The following SLC39A14 variants were observed in gnomAD, a reference collection of about 807,000 sequenced individuals.
The protein encoded by SLC39A14 is metal cation symporter ZIP14.
A neutral mutation model predicts 45.5 loss-of-function variants in SLC39A14; 19 were observed. That is an observed-to-expected ratio of 0.42 (90% CI 0.29 to 0.61). The LOEUF (loss-of-function observed/expected upper bound fraction) is 0.61, where lower values mean the gene tolerates loss of function less well. SLC39A14 is among the 20% of genes least tolerant of loss of function. The probability of loss-of-function intolerance (pLI) is 0.22; values close to 1 mark genes in which losing one functional copy is unlikely to be tolerated. For synonymous variants in SLC39A14, 264 were observed against 251.3 expected (o/e 1.05, Z -0.48); for missense variants, 447 against 616.5 (o/e 0.73, Z 2.91).
intron 1 of SLC39A14, chr8:22,398,677 C>T: frequency 1.0e-6 from 1 of 980,846 alleles, no homozygotes; most frequent in Non-Finnish European, 1.2e-6. Context: ...GTTTGCTCCT[C>T]TCTGAGAGGG....
At position 22,422,557 on chromosome 8, in the gene SLC39A14, A is replaced by G; in HGVS notation, c.*2859A>G. On this transcript the variant is annotated 3_prime_UTR_variant, in exon 9 of 9. Coordinates refer to ENST00000381237, the MANE Select transcript of SLC39A14 (RefSeq NM_001128431.4). Reference sequence around the variant, plus strand: ...TTTCCCTTTACAGTTCTGCAGTTCCATCACAGTATTTTTTTAAATAACTCA... The same window carrying G: ...TTTCCCTTTACAGTTCTGCAGTTCCGTCACAGTATTTTTTTAAATAACTCA... The G allele has an allele frequency of 1.0e-6, 1 of 985,440 alleles. No homozygotes were observed. The highest frequency in any genetic ancestry group is 1.2e-6 in the Non-Finnish European group (1 of 829,558). The allele number at this position is 985,440 out of a possible 1,614,324, so 61.0% of individuals were successfully genotyped here.
At chr8:22,369,292 G>A (rs1205455823) in intron 1 of SLC39A14, among the ~76,000 whole-genome samples, 2 of 152,210 alleles carry the variant, frequency 1.3e-5, no homozygotes, top group Non-Finnish European at 2.9e-5. Context: ...AGTGCTGAGC[G>A]GGAGATTCGA....
At chr8:22,428,233 G>C (rs1836416383) in intron 8 of SLC39A14, among the ~76,000 whole-genome samples, 1 of 151,996 alleles carries the variant, frequency 6.6e-6, no homozygotes, top group Non-Finnish European at 1.5e-5. Flanking sequence ...GGAGGTGAAG[G>C]TTGCAGTGAG....
intron 4 of SLC39A14, 89 bp from the exon 5 acceptor site, chr8:22,414,691 G>T: frequency 4.4e-6 from 6 of 1,359,848 alleles, no homozygotes; most frequent in Non-Finnish European, 5.0e-6. Context: ...TCCTTTCCTA[G>T]AGTCAAGGAA....
At chr8:22,397,494 C>T (rs1008690810) in intron 1 of SLC39A14, among the ~76,000 whole-genome samples, 1 of 152,062 alleles carries the variant, frequency 6.6e-6, no homozygotes, top group Non-Finnish European at 1.5e-5. Context: ...GGGAGAATGG[C>T]GTGAACCCGG....
chr8:22,404,607 C>T (rs963648537), intron 1 of SLC39A14, 89 bp from the exon 2 acceptor site: 2 of 1,271,238 alleles, frequency 1.6e-6, no homozygotes, highest in East Asian at 2.3e-5. Flanking sequence ...GGGATAGTCT[C>T]AACATGTTCA....
At chr8:22,418,323 A>G (rs1836012064) in intron 8 of SLC39A14, among the ~76,000 whole-genome samples, 2 of 152,138 alleles carry the variant, frequency 1.3e-5, no homozygotes, top group Non-Finnish European at 2.9e-5. Flanking sequence ...AAAGGAGGAA[A>G]AGTTTATGTT....
rs376452266 is a variant in SLC39A14 at position 22,408,290 on chromosome 8, C to A, written c.271-20C>A. On this transcript the variant is annotated intron_variant, in intron 2 of 8. Coordinates refer to ENST00000381237, the MANE Select transcript of SLC39A14 (RefSeq NM_001128431.4). ...TGACCTTTGGGGTCTAAGCGGCTTC[C>A]TGCCCTTCCTGTGTTTCAGTGCTTT... 34 of 1,607,544 alleles carry A rather than the reference C, an allele frequency of 2.1e-5. No homozygotes were observed. The African/African-American group carries it at 4.3e-4, about 20-fold the overall frequency.
chr8:22,386,758 C>T (rs759596619), intron 1 of SLC39A14, among the ~76,000 whole-genome samples: 1 of 152,242 alleles, frequency 6.6e-6, no homozygotes, highest in Non-Finnish European at 1.5e-5. Flanking sequence ...ACTCCATCCA[C>T]TTTGCAAGGA....
At position 22,420,416 on chromosome 8, in the gene SLC39A14, G is replaced by C. The variant is rs575522321; in HGVS notation, c.*718G>C. ...GGCTGTCCGAGTGAGCTAACGTGGCGGTGTGGCTGCCTGGACCTCCTCTTT... is the reference window on the plus strand; with the variant it reads ...GGCTGTCCGAGTGAGCTAACGTGGCCGTGTGGCTGCCTGGACCTCCTCTTT... On this transcript the variant is annotated 3_prime_UTR_variant, in exon 9 of 9. Coordinates refer to ENST00000381237, the MANE Select transcript of SLC39A14 (RefSeq NM_001128431.4). The C allele has an allele frequency of 3.0e-6, 3 of 985,404 alleles. No individual in the cohort carries two copies. Among genetic ancestry groups the C allele is most frequent in the Non-Finnish European group, 3.6e-6 (3 of 829,944 alleles). 61.0% of individuals were successfully genotyped at this position (985,404 alleles called of 1,614,324 possible).
At chr8:22,411,768 C>A (rs1835582968) in intron 3 of SLC39A14, 1 of 411,128 alleles carries the variant, frequency 2.4e-6, no homozygotes. Flanking sequence ...TCACAGGGTT[C>A]CAAGGCCACC....
At chr8:22,416,372 C>T (rs1835883433) in intron 7 of SLC39A14, 92 bp downstream of exon 7, 4 of 1,011,846 alleles carry the variant, frequency 4.0e-6, no homozygotes, top group South Asian at 1.4e-5. Flanking sequence ...ATCTCCCTGT[C>T]TTCACAGTGC....
intron 3 of SLC39A14, chr8:22,411,727 T>C (rs778482209): frequency 6.5e-5 from 21 of 322,042 alleles, no homozygotes; most frequent in Non-Finnish European, 1.0e-4. Context: ...CAGGAACGAT[T>C]TGGGGCCACC....
At position 22,420,877 on chromosome 8, in the gene SLC39A14, C is replaced by T. The variant is rs907010021; in HGVS notation, c.*1179C>T. 1.2e-5 allele frequency: 12 copies of T among 985,372 alleles called. No individual in the cohort carries two copies. Among genetic ancestry groups the T allele is most frequent in the Middle Eastern group, 5.2e-4 (1 of 1,936 alleles). 61.0% of individuals were successfully genotyped at this position (985,372 alleles called of 1,614,324 possible). A position where few individuals can be genotyped will look rare whatever the true frequency, so the allele number is the denominator to read the frequency against. On this transcript the variant is annotated 3_prime_UTR_variant, in exon 9 of 9. Transcript: ENST00000381237. ...TGCTACAGATGGGTTTTAAATGACC[C>T]GTCTAGGTTACTGCTTCCTTGCAAA...
intron 3 of SLC39A14, among the ~76,000 whole-genome samples, chr8:22,411,618 T>A (rs1218763853): frequency 6.6e-6 from 1 of 152,156 alleles, no homozygotes; most frequent in South Asian, 2.1e-4. Context: ...AAGAGAGCCC[T>A]CGAGTCCAAA....
rs114773165 is a variant in SLC39A14, at chr8:22,382,951, C to T, written c.-16+15543C>T. ...CAGGTTAGTCTCAAACTCCTGGGCT[C>T]AAGCCATCCACCCGCATCGGCCTCC... is the stretch of plus-strand genomic sequence containing the variant. On this transcript the variant is annotated intron_variant, in intron 1 of 8. Transcript: ENST00000381237. Among the ~76,000 whole-genome samples, 608 of 151,944 alleles carry T rather than the reference C, an allele frequency of 4.0e-3. 5 individuals carry two copies. The highest frequency in any genetic ancestry group is 0.014 in the African/African-American group (577 of 41,422).
At chr8:22,382,490 CAGCAAG>C (rs1240595598) in intron 1 of SLC39A14, among the ~76,000 whole-genome samples, 1 of 151,764 alleles carries the variant, frequency 6.6e-6, no homozygotes, top group Non-Finnish European at 1.5e-5. Flanking sequence ...TTGGGCAATG[CAGCAAG>C]ACCCATCTCT....
chr8:22,387,171 T>G (rs563091465), intron 1 of SLC39A14, among the ~76,000 whole-genome samples: 45 of 123,020 alleles, frequency 3.7e-4, no homozygotes, highest in Non-Finnish European at 5.8e-4. Flanking sequence ...AGACCCTGTC[T>G]TAAAAAAAAA....
intron 8 of SLC39A14, among the ~76,000 whole-genome samples, chr8:22,429,597 C>G (rs1836437690): frequency 6.6e-6 from 1 of 152,172 alleles, no homozygotes; most frequent in African/African-American, 2.4e-5. Context: ...ATACTCCAAC[C>G]TTTAATTTCA....
Sources: gnomAD v4.1 joint callset for allele counts (sites outside exome capture counted in the v4.1 genomes callset) on GRCh38, gnomAD v4.1.1 for gene constraint, MANE v1.5 for transcripts, NCBI Gene and HGNC (gene_info 2026-07-23, HGNC 2026-07-21) for gene names.